The following PTCHD4 variants were observed in gnomAD, a reference collection of about 807,000 sequenced individuals.
PTCHD4 encodes the protein patched domain containing 4, also known as patched domain-containing protein 4.
PTCHD4 carries 33 observed loss-of-function variants against 58.1 expected under a neutral mutation model. The observed-to-expected ratio is 0.57, with a 90% CI of 0.43 to 0.76. The LOEUF (loss-of-function observed/expected upper bound fraction) is 0.76, where lower values mean the gene tolerates loss of function less well. Among genes scored for constraint, PTCHD4 ranks in the 30% least tolerant of loss-of-function variants. The pLI is 0.00. For missense variants in PTCHD4, 1,058 were observed against 1,027.1 expected, an observed-to-expected ratio of 1.03 and a Z score of -0.41; for synonymous variants, 478 against 409.6, an observed-to-expected ratio of 1.17 and a Z score of -2.02.
chr6:47,971,420 T>C (rs541792667), intron 4 of PTCHD4, among the ~76,000 whole-genome samples: 2 of 152,072 alleles, frequency 1.3e-5, no homozygotes, highest in East Asian at 1.9e-4. Context: ...AGCAGAAGAA[T>C]GAAAAAATAC....
intron 4 of PTCHD4, among the ~76,000 whole-genome samples, chr6:47,907,556 C>T (rs549064914): frequency 1.1e-4 from 16 of 152,280 alleles, no homozygotes; most frequent in Admixed American, 3.3e-4. Flanking sequence ...TCCATACACC[C>T]TAGGCTTGGG....
chr6:47,954,304 C>T (rs577149969), intron 4 of PTCHD4, among the ~76,000 whole-genome samples: 1 of 152,162 alleles, frequency 6.6e-6, no homozygotes, highest in African/African-American at 2.4e-5. Context: ...TTGCAGTGAG[C>T]TGAGATTGCA....
At position 47,860,946 on chromosome 6, in the gene PTCHD4, A is replaced by C. The variant is rs375883278; in HGVS notation, c.*17357T>G. ...TCTGTATCTAAGGTAGTATAGTCCA[A>C]CTAAGAAACAGAGTTGATGTGCTCC... On this transcript the variant is annotated 3_prime_UTR_variant, in exon 5 of 5. Transcript: ENST00000339488. Among the ~76,000 whole-genome samples the C allele has an allele frequency of 9.2e-5, 14 of 152,122 alleles. No individual in the cohort carries two copies. Among genetic ancestry groups the C allele is most frequent in the East Asian group, 3.9e-4 (2 of 5,148 alleles).
intron 3 of PTCHD4, among the ~76,000 whole-genome samples, chr6:48,054,552 T>C (rs1764343614): frequency 6.6e-6 from 1 of 152,172 alleles, no homozygotes; most frequent in Non-Finnish European, 1.5e-5. Context: ...AAGGTTTTAC[T>C]TTCTTCCTTA....
chr6:47,958,923 A>G (rs1766975506), intron 4 of PTCHD4, among the ~76,000 whole-genome samples: 1 of 152,144 alleles, frequency 6.6e-6, no homozygotes, highest in Non-Finnish European at 1.5e-5. Context: ...TTCACTTAAC[A>G]AAACTTTAAT....
At chr6:47,940,315 C>A (rs1581908871) in intron 4 of PTCHD4, among the ~76,000 whole-genome samples, 1 of 151,238 alleles carries the variant, frequency 6.6e-6, no homozygotes, top group South Asian at 2.1e-4. Flanking sequence ...ATGCCCCATG[C>A]AGTATAATTA....
At chr6:47,959,214 A>T (rs2113964331) in intron 4 of PTCHD4, among the ~76,000 whole-genome samples, 1 of 152,364 alleles carries the variant, frequency 6.6e-6, no homozygotes, top group Admixed American at 6.5e-5. Flanking sequence ...ATGCTCAAGA[A>T]GTTAAACAGA....
rs143060584 is a variant in PTCHD4 at position 47,882,741 on chromosome 6, G to GAGATATATATAT, written c.899-2806_899-2805insATATATATATCT. On this transcript the variant is annotated intron_variant, in intron 4 of 4. Coordinates refer to ENST00000339488, the MANE Select transcript of PTCHD4 (RefSeq NM_001384253.1). ...TGAATCCATTTCTAATGATTCCAGT[G>GAGATATATATAT]ATATATATATATATATTCCTTAAAT... 5.0e-4 allele frequency among the ~76,000 whole-genome samples: 51 copies of GAGATATATATAT among 102,436 alleles called. 1 individual carries two copies. The highest frequency in any genetic ancestry group is 9.6e-4 in the Admixed American group (8 of 8,308). 67.2% of individuals were successfully genotyped at this position (102,436 alleles called of 152,430 possible).
rs541084843 is a variant in PTCHD4, at chr6:48,051,894, T to A, written c.417+16336A>T. Among the ~76,000 whole-genome samples, 5 of 152,162 alleles carry A rather than the reference T, an allele frequency of 3.3e-5. No individual in the cohort carries two copies. In the East Asian group the frequency reaches 9.7e-4, roughly 29 times the overall value. On this transcript the variant is annotated intron_variant, in intron 3 of 4. Transcript: ENST00000339488. ...CTGATGTAACAACAATTCTGAATTA[T>A]TTAGAACTCTAGATCATTTTGGACT... is the stretch of plus-strand genomic sequence containing the variant.
At chr6:47,890,001 G>A (rs2114122153) in intron 4 of PTCHD4, among the ~76,000 whole-genome samples, 1 of 151,954 alleles carries the variant, frequency 6.6e-6, no homozygotes, top group Non-Finnish European at 1.5e-5. Flanking sequence ...GTTCTATGTA[G>A]TATAAAAAAC....
intron 4 of PTCHD4, among the ~76,000 whole-genome samples, chr6:47,987,542 G>C (rs1431419737): frequency 6.6e-6 from 1 of 151,828 alleles, no homozygotes; most frequent in Non-Finnish European, 1.5e-5. Flanking sequence ...AATGCTAAAT[G>C]CTTGATAAAA....
chr6:47,880,420 C>T (rs994099566), intron 4 of PTCHD4, among the ~76,000 whole-genome samples: 18 of 152,110 alleles, frequency 1.2e-4, no homozygotes, highest in African/African-American at 4.1e-4. Context: ...ATGTTAAACA[C>T]TTAAAAATGG....
intron 3 of PTCHD4, among the ~76,000 whole-genome samples, chr6:48,019,406 C>T (rs868410324): frequency 6.6e-5 from 10 of 151,468 alleles, no homozygotes; most frequent in African/African-American, 2.2e-4. Flanking sequence ...GGTGTGGGGT[C>T]AGGGAAAGAT....
chr6:47,887,523 GT>G (rs1225900091), intron 4 of PTCHD4, among the ~76,000 whole-genome samples: 1 of 152,128 alleles, frequency 6.6e-6, no homozygotes, highest in East Asian at 1.9e-4. Context: ...GGAAATAGAT[GT>G]CAATTATACC....
intron 4 of PTCHD4, among the ~76,000 whole-genome samples, chr6:47,996,127 C>T (rs917413686): frequency 8.6e-5 from 13 of 152,012 alleles, no homozygotes; most frequent in Admixed American, 3.3e-4. Flanking sequence ...TAAATCTTTA[C>T]GGAAACTTGT....
At chr6:48,076,863 G>A (rs1440219549) in intron 1 of PTCHD4, among the ~76,000 whole-genome samples, 1 of 152,216 alleles carries the variant, frequency 6.6e-6, no homozygotes, top group African/African-American at 2.4e-5. Context: ...CCTTATTTGA[G>A]TGCAGTTTTA....
intron 4 of PTCHD4, among the ~76,000 whole-genome samples, chr6:47,937,108 C>T (rs1427453985): frequency 6.6e-6 from 1 of 152,208 alleles, no homozygotes; most frequent in Non-Finnish European, 1.5e-5. Flanking sequence ...TAACCCCTTG[C>T]AGGCCACTGT....
chr6:48,045,076 A>C lies in PTCHD4; in HGVS notation c.417+23154T>G, dbSNP rs142193033. Among the ~76,000 whole-genome samples the C allele has an allele frequency of 3.7e-3, 559 of 151,908 alleles. 3 individuals carry two copies. Among genetic ancestry groups the C allele is most frequent in the African/African-American group, 0.013 (545 of 41,512 alleles). On this transcript the variant is annotated intron_variant, in intron 3 of 4. Coordinates refer to ENST00000339488, the MANE Select transcript of PTCHD4 (RefSeq NM_001384253.1). ...CCCTTCCATCTCTGCCACAATGGTTATTATAAGTTGTCAACTCTGCATATC... is the reference window on the plus strand; with the variant it reads ...CCCTTCCATCTCTGCCACAATGGTTCTTATAAGTTGTCAACTCTGCATATC...
At chr6:48,026,456 A>G (rs1229403982) in intron 3 of PTCHD4, among the ~76,000 whole-genome samples, 5 of 152,060 alleles carry the variant, frequency 3.3e-5, no homozygotes, top group Non-Finnish European at 5.9e-5. Flanking sequence ...CTTGAGAGTC[A>G]TTCTTCTATG....
Sources: allele counts gnomAD v4.1 joint callset (sites outside exome capture counted in the v4.1 genomes callset), GRCh38; gene constraint gnomAD v4.1.1; transcripts MANE v1.5; gene names NCBI Gene and HGNC (gene_info 2026-07-23, HGNC 2026-07-21).